RPSA2: variants seen among roughly 807,000 people sequenced by gnomAD.
RPSA2 encodes ribosomal protein SA 2.
chr19:23,784,562 T>C, the RPSA2 span, among the ~76,000 whole-genome samples: 1 of 152,238 alleles, frequency 6.6e-6, no homozygotes, highest in Non-Finnish European at 1.5e-5. Context: ...TTCCTTCTTG[T>C]ATGAAGGTCA....
the RPSA2 span, among the ~76,000 whole-genome samples, chr19:23,764,306 T>C: frequency 3.9e-5 from 6 of 152,220 alleles, no homozygotes; most frequent in African/African-American, 1.4e-4. Flanking sequence ...ATTTCCACTT[T>C]CTTTCCTACA....
At chr19:23,811,651 AT>A in the RPSA2 span, among the ~76,000 whole-genome samples, 1 of 151,618 alleles carries the variant, frequency 6.6e-6, no homozygotes, top group Non-Finnish European at 1.5e-5. Context: ...CCTGAATTAA[AT>A]TAGGTAATTA....
the RPSA2 span, chr19:23,818,141 G>T: frequency 6.6e-6 from 1 of 152,122 alleles, no homozygotes; most frequent in African/African-American, 2.4e-5. Flanking sequence ...GAAAAGGCAA[G>T]TTTTCTTCAT....
the RPSA2 span, among the ~76,000 whole-genome samples, chr19:23,854,751 C>T: frequency 1.3e-4 from 20 of 152,128 alleles, no homozygotes; most frequent in Admixed American, 1.3e-3. Flanking sequence ...TAGCAGGCTC[C>T]AAGAAAAGAA....
chr19:23,840,769 C>G, the RPSA2 span, among the ~76,000 whole-genome samples: 2 of 150,154 alleles, frequency 1.3e-5, no homozygotes, highest in African/African-American at 2.5e-5. Flanking sequence ...ACCAGCCTGA[C>G]CAACACGGTG....
chr19:23,804,496 C>G, the RPSA2 span, among the ~76,000 whole-genome samples: 1 of 151,860 alleles, frequency 6.6e-6, no homozygotes, highest in Non-Finnish European at 1.5e-5. Flanking sequence ...GGGGTTTCAC[C>G]GTGTTAGCCA....
At chr19:23,759,025 G>C in the RPSA2 span, 12 of 546,384 alleles carry the variant, frequency 2.2e-5, no homozygotes, top group Non-Finnish European at 3.5e-5. Flanking sequence ...CAGAAGATGT[G>C]ATCAGATGCT....
the RPSA2 span, among the ~76,000 whole-genome samples, chr19:23,793,177 A>C: frequency 6.6e-6 from 1 of 150,542 alleles, no homozygotes; most frequent in Non-Finnish European, 1.5e-5. Context: ...AGAAAACAGC[A>C]CCATTTCAGT....
chr19:23,862,896 CT>C, the RPSA2 span, among the ~76,000 whole-genome samples: 7,939 of 142,566 alleles, frequency 0.056, 247 homozygotes, highest in South Asian at 0.11. Context: ...TTCTTTCTTT[CT>C]TTTTTTTTTT....
the RPSA2 span, among the ~76,000 whole-genome samples, chr19:23,847,353 G>C: frequency 1.3e-4 from 20 of 151,880 alleles, no homozygotes; most frequent in African/African-American, 4.6e-4. Flanking sequence ...TTTCAACATA[G>C]GTTCTTTCTG....
chr19:23,821,804 C>T, the RPSA2 span, among the ~76,000 whole-genome samples: 2 of 152,240 alleles, frequency 1.3e-5, no homozygotes, highest in Non-Finnish European at 2.9e-5. Context: ...CATGCCCACA[C>T]CCATGTGAAC....
chr19:23,764,266 G>A, the RPSA2 span, among the ~76,000 whole-genome samples: 1 of 152,046 alleles, frequency 6.6e-6, no homozygotes, highest in Non-Finnish European at 1.5e-5. Flanking sequence ...TCTTCCCCTA[G>A]CTTAACTAAG....
At chr19:23,849,671 C>T in the RPSA2 span, among the ~76,000 whole-genome samples, 20 of 152,274 alleles carry the variant, frequency 1.3e-4, 1 homozygote, top group East Asian at 3.7e-3. Flanking sequence ...TGATCCTCAT[C>T]CTTCCAATAA....
At chr19:23,863,619 T>A in the RPSA2 span, among the ~76,000 whole-genome samples, 1 of 150,342 alleles carries the variant, frequency 6.7e-6, no homozygotes, top group Non-Finnish European at 1.5e-5. Flanking sequence ...AATATAAGCA[T>A]GTCATAGTTT....
chr19:23,856,991 G>C, the RPSA2 span, among the ~76,000 whole-genome samples: 1 of 152,144 alleles, frequency 6.6e-6, no homozygotes, highest in African/African-American at 2.4e-5. Context: ...AATTTACCAG[G>C]CTGGAGTTTC....
At chr19:23,782,306 T>C in the RPSA2 span, 1 of 152,186 alleles carries the variant, frequency 6.6e-6, no homozygotes, top group African/African-American at 2.4e-5. Flanking sequence ...AGAAAAGAGA[T>C]TATGACATAT....
the RPSA2 span, among the ~76,000 whole-genome samples, chr19:23,857,642 C>G: frequency 3.7e-5 from 5 of 136,964 alleles, no homozygotes; most frequent in Admixed American, 3.8e-4. Context: ...AGGTGCCCAC[C>G]ACCACACCTA....
At chr19:23,869,821 A>G in the RPSA2 span, among the ~76,000 whole-genome samples, 1 of 152,196 alleles carries the variant, frequency 6.6e-6, no homozygotes, top group African/African-American at 2.4e-5. Context: ...TAATACCAGT[A>G]CTGCTACTCA....
At chr19:23,771,251 A>T in the RPSA2 span, among the ~76,000 whole-genome samples, 1 of 152,186 alleles carries the variant, frequency 6.6e-6, no homozygotes, top group African/African-American at 2.4e-5. Flanking sequence ...TGCAGTCAAA[A>T]GTTGGAAAAT....
Sources: allele counts gnomAD v4.1 joint callset (sites outside exome capture counted in the v4.1 genomes callset), GRCh38; gene constraint gnomAD v4.1.1; transcripts MANE v1.5; gene names NCBI Gene and HGNC (gene_info 2026-07-23, HGNC 2026-07-21).